DLG2: variants seen among roughly 807,000 people sequenced by gnomAD.
DLG2 encodes the protein discs large MAGUK scaffold protein 2.
In DLG2, 45 loss-of-function variants were observed where a neutral mutation model predicts 132.5. That is an observed-to-expected ratio of 0.34 (90% CI 0.27 to 0.44). The LOEUF (loss-of-function observed/expected upper bound fraction) is 0.44, where lower values mean the gene tolerates loss of function less well. DLG2 is among the 20% of genes least tolerant of loss of function. The probability of loss-of-function intolerance (pLI) is 1.00; values close to 1 mark genes in which losing one functional copy is unlikely to be tolerated. For synonymous variants in DLG2, 424 were observed against 419.6 expected (o/e 1.01, Z -0.13); for missense variants, 1,045 against 1,196.9 (o/e 0.87, Z 1.87).
At chr11:83,527,627 T>A (rs1381609732) in intron 21 of DLG2, among the ~76,000 whole-genome samples, 1 of 152,112 alleles carries the variant, frequency 6.6e-6, no homozygotes, top group East Asian at 1.9e-4. Flanking sequence ...AAATAACAAC[T>A]ATCATCTCTG....
rs533024884 is a variant in DLG2, at chr11:85,295,427, T to C, written c.41-10062A>G. On this transcript the variant is annotated intron_variant, in intron 3 of 27. Transcript: ENST00000376104. The stretch of plus-strand genomic sequence containing the variant: ...CCATGCATAAACTCCATGTGTTTAG[T>C]TGTACTTTGTAAATGTCATTCATTT... Among the ~76,000 whole-genome samples the C allele has an allele frequency of 3.9e-5, 6 of 152,270 alleles. No individual in the cohort carries two copies. The South Asian group carries it at 1.0e-3, about 26-fold the overall frequency.
chr11:85,012,253 G>C (rs1378676756), intron 6 of DLG2, among the ~76,000 whole-genome samples: 1 of 74,386 alleles, frequency 1.3e-5, no homozygotes, highest in Non-Finnish European at 2.3e-5. Context: ...ATGGCCGGGC[G>C]CAGTGGCTCA....
intron 6 of DLG2, among the ~76,000 whole-genome samples, chr11:84,902,209 C>T (rs1310614597): frequency 1.3e-5 from 2 of 152,122 alleles, no homozygotes; most frequent in African/African-American, 4.8e-5. Context: ...TACTTGCTTA[C>T]AGTTACTACA....
chr11:84,181,743 T>C (rs1485785308), intron 8 of DLG2, among the ~76,000 whole-genome samples: 1 of 152,116 alleles, frequency 6.6e-6, no homozygotes, highest in East Asian at 1.9e-4. Flanking sequence ...TAATTCCAGG[T>C]GGAGCAGATA....
intron 9 of DLG2, among the ~76,000 whole-genome samples, chr11:84,114,457 G>A (rs147003001): frequency 1.0e-3 from 153 of 152,184 alleles, no homozygotes; most frequent in Middle Eastern, 3.4e-3. Flanking sequence ...ATTTGAAAGC[G>A]AACTCAAGGA....
At chr11:85,351,353 C>T (rs945592203) in intron 3 of DLG2, among the ~76,000 whole-genome samples, 15 of 152,192 alleles carry the variant, frequency 9.9e-5, no homozygotes, top group Admixed American at 6.5e-5. Flanking sequence ...ATGTCAACTG[C>T]AAACAGGGAC....
chr11:85,397,742 T>C (rs1240094976), intron 3 of DLG2, among the ~76,000 whole-genome samples: 2 of 152,144 alleles, frequency 1.3e-5, no homozygotes, highest in African/African-American at 2.4e-5. Context: ...CTTAAATATA[T>C]ATGCGCCCAA....
intron 17 of DLG2, among the ~76,000 whole-genome samples, chr11:83,814,087 T>C (rs1223903066): frequency 6.6e-6 from 1 of 151,978 alleles, no homozygotes; most frequent in African/African-American, 2.4e-5. Flanking sequence ...TATAAGCCCA[T>C]CAGACCAAAA....
chr11:84,297,647 C>G (rs2098108811), intron 7 of DLG2, among the ~76,000 whole-genome samples: 1 of 152,094 alleles, frequency 6.6e-6, no homozygotes, highest in African/African-American at 2.4e-5. Context: ...CTCATTCTCA[C>G]TGTATACAAT....
At chr11:84,672,308 C>G (rs961971861) in intron 6 of DLG2, among the ~76,000 whole-genome samples, 2 of 152,078 alleles carry the variant, frequency 1.3e-5, no homozygotes, top group African/African-American at 4.8e-5. Flanking sequence ...GAATGAGTCA[C>G]ATGACATATC....
rs535552030 is a variant in DLG2 at position 84,600,473 on chromosome 11, C to G, written c.358-65742G>C. ...TATTCTCTCCACAATACTGTGGGGACAGCAGAAATATTCGACAGATTATTA... is the reference window on the plus strand; with the variant it reads ...TATTCTCTCCACAATACTGTGGGGAGAGCAGAAATATTCGACAGATTATTA... On this transcript the variant is annotated intron_variant, in intron 6 of 27. Coordinates refer to ENST00000376104, the MANE Select transcript of DLG2 (RefSeq NM_001142699.3). Among the ~76,000 whole-genome samples, 125 of 152,140 alleles carry G rather than the reference C, an allele frequency of 8.2e-4. 2 individuals carry two copies. The highest frequency in any genetic ancestry group is 8.5e-4 in the Non-Finnish European group (58 of 68,030).
chr11:84,502,206 CCTTCCTTCCTTCCTTCCTT>C (rs2099211536), intron 7 of DLG2, among the ~76,000 whole-genome samples: 3 of 21,282 alleles, frequency 1.4e-4, no homozygotes, highest in African/African-American at 6.7e-4. Context: ...CTCTCTCCTT[CCTTCCTTCCTTCCTTCCTT>C]CCTTCCTTCC....
At position 83,596,818 on chromosome 11, in the gene DLG2, GTT is replaced by G. The variant is rs59431316; in HGVS notation, c.1940+36391_1940+36392del. 2.0e-4 allele frequency among the ~76,000 whole-genome samples: 31 copies of G among 151,894 alleles called. 1 individual carries two copies. Among genetic ancestry groups the G allele is most frequent in the African/African-American group, 6.3e-4 (26 of 41,466 alleles). ...CCTGCTTATCATTTTTTCTTTTTCT[GTT>G]TTTTTTCTGGTTATTCTTCCTAATC... is the stretch of plus-strand genomic sequence containing the variant. On this transcript the variant is annotated intron_variant, in intron 19 of 27. Transcript: ENST00000376104.
intron 7 of DLG2, among the ~76,000 whole-genome samples, chr11:84,325,745 G>A (rs911835338): frequency 6.6e-6 from 1 of 151,988 alleles, no homozygotes; most frequent in East Asian, 1.9e-4. Context: ...TTAGCATCAG[G>A]GTAATGCTAG....
chr11:85,482,567 T>C (rs2093323713), intron 3 of DLG2, among the ~76,000 whole-genome samples: 1 of 152,078 alleles, frequency 6.6e-6, no homozygotes, highest in East Asian at 1.9e-4. Context: ...ATGGATCCAA[T>C]CCCTAGGCCA....
intron 6 of DLG2, among the ~76,000 whole-genome samples, chr11:84,798,164 C>T (rs1673438160): frequency 6.6e-6 from 1 of 152,118 alleles, no homozygotes; most frequent in Admixed American, 6.5e-5. Context: ...ACCACTGTAA[C>T]CACTGCTTGG....
At chr11:84,768,629 T>C (rs1416855236) in intron 6 of DLG2, among the ~76,000 whole-genome samples, 2 of 152,126 alleles carry the variant, frequency 1.3e-5, no homozygotes, top group African/African-American at 2.4e-5. Flanking sequence ...TTCATTGTTA[T>C]AGAGGAAGTC....
chr11:85,075,112 A>G (rs1390921552), intron 6 of DLG2, among the ~76,000 whole-genome samples: 2 of 151,904 alleles, frequency 1.3e-5, no homozygotes, highest in African/African-American at 4.8e-5. Flanking sequence ...CTAAAATGGG[A>G]TGTTATTTTA....
At chr11:85,190,454 A>G (rs893900139) in intron 4 of DLG2, among the ~76,000 whole-genome samples, 3 of 144,198 alleles carry the variant, frequency 2.1e-5, no homozygotes, top group Non-Finnish European at 3.1e-5. Flanking sequence ...TAAAGGAGCG[A>G]AAAAAAAACA....
Sources: allele counts gnomAD v4.1 joint callset (sites outside exome capture counted in the v4.1 genomes callset), GRCh38; gene constraint gnomAD v4.1.1; transcripts MANE v1.5; gene names NCBI Gene and HGNC (gene_info 2026-07-23, HGNC 2026-07-21).